Variants in DEPDC4 observed in about 807,000 individuals in gnomAD.
DEPDC4 encodes DEP domain containing 4, also known as DEP domain-containing protein 4.
A neutral mutation model predicts 52.0 loss-of-function variants in DEPDC4; 52 were observed. The ratio of observed to expected loss-of-function variants is 1.00; its 90% confidence interval spans 0.80 to 1.26. The LOEUF is 1.26. DEPDC4 is among the 50% of genes most tolerant of loss of function. The pLI is 0.00. For synonymous variants in DEPDC4, 201 were observed against 196.8 expected (o/e 1.02, Z -0.18); for missense variants, 530 against 546.9 (o/e 0.97, Z 0.31).
intron 9 of DEPDC4, among the ~76,000 whole-genome samples, chr12:100,233,639 G>A (rs139966457): frequency 1.2e-3 from 187 of 152,292 alleles, no homozygotes; most frequent in Admixed American, 3.6e-3. Flanking sequence ...GAATTATTAG[G>A]TAGCATCATT....
Position 100,263,503 on chromosome 12 carries a change from G to T in DEPDC4, c.548C>A (p.Thr183Asn). 2 of 1,580,340 alleles carry T rather than the reference G, an allele frequency of 1.3e-6. No homozygotes were observed. The highest frequency in any genetic ancestry group is 1.7e-6 in the Non-Finnish European group (2 of 1,166,046). ...QKDAENEFNE[T>N]LRPGYEMISN... ...TATCTTAGGTAACACTAACCTCAAGGTTTCATTGAACTCATTCTCAGCATC... is the reference window on the plus strand; with the variant it reads ...TATCTTAGGTAACACTAACCTCAAGTTTTCATTGAACTCATTCTCAGCATC... Residue 183 changes from threonine (T) to asparagine (N), a missense_variant, in exon 2 of 10, where the codon ACC becomes AAC. By Grantham distance (65) the Thr-to-Asn change is moderately conservative. Transcript: ENST00000550587.
intron 3 of DEPDC4, among the ~76,000 whole-genome samples, chr12:100,258,936 T>C (rs2096243921): frequency 6.6e-6 from 1 of 151,994 alleles, no homozygotes. Flanking sequence ...CTGTGTGTCA[T>C]GGTGTGTGCC....
chr12:100,247,516 T>C (rs929094633), intron 8 of DEPDC4, among the ~76,000 whole-genome samples: 5 of 152,154 alleles, frequency 3.3e-5, no homozygotes, highest in Non-Finnish European at 5.9e-5. Flanking sequence ...TAGCATATAT[T>C]GTTGAATAGA....
chr12:100,252,258 ACTGATTT>A lies in DEPDC4; in HGVS notation c.1285_1291del (p.Lys429PhefsTer8). On this transcript the variant is annotated frameshift_variant, in exon 7 of 10. Transcript: ENST00000550587. LOFTEE classifies it high-confidence loss of function. Reference sequence around the variant, plus strand: ...TTTTAATAATGATTTGGCTTGCAAAACTGATTTGGCAAGAGTTTTCAGGACCACTGTT... The same window carrying A: ...TTTTAATAATGATTTGGCTTGCAAAAGGCAAGAGTTTTCAGGACCACTGTT... 1 of 1,395,534 alleles carries A rather than the reference ACTGATTT, an allele frequency of 7.2e-7. No homozygotes were observed. The highest frequency in any genetic ancestry group is 9.3e-7 in the Non-Finnish European group (1 of 1,072,224). 86.4% of individuals were successfully genotyped at this position (1,395,534 alleles called of 1,614,324 possible).
the DEPDC4 span, among the ~76,000 whole-genome samples, chr12:100,279,783 G>C: frequency 6.6e-6 from 1 of 152,196 alleles, no homozygotes; most frequent in African/African-American, 2.4e-5. Flanking sequence ...GCAGCCTTGT[G>C]TGAACTTTGA....
chr12:100,259,538 A>G (rs1323399958), intron 3 of DEPDC4, among the ~76,000 whole-genome samples: 1 of 152,272 alleles, frequency 6.6e-6, no homozygotes, highest in Non-Finnish European at 1.5e-5. Flanking sequence ...GGTTTATTAC[A>G]TACCTCAACT....
chr12:100,244,127 A>ATATATT (rs2096174203), intron 8 of DEPDC4, among the ~76,000 whole-genome samples: 3 of 133,116 alleles, frequency 2.3e-5, no homozygotes, highest in Non-Finnish European at 4.7e-5. Context: ...ATATATATAT[A>ATATATT]TATATATACA....
chr12:100,238,403 G>A (rs1275600898), downstream of DEPDC4, among the ~76,000 whole-genome samples: 2 of 151,426 alleles, frequency 1.3e-5, no homozygotes, highest in African/African-American at 4.9e-5. Flanking sequence ...CAGGTCATCT[G>A]CCTGCCTTGG....
intron 1 of DEPDC4, among the ~76,000 whole-genome samples, 159 bp downstream of exon 1, chr12:100,266,761 C>A (rs1037884767): frequency 2.6e-5 from 4 of 152,240 alleles, no homozygotes; most frequent in African/African-American, 9.6e-5. Context: ...AAGCCTCAGT[C>A]CTGGGTCCCC....
intron 3 of DEPDC4, among the ~76,000 whole-genome samples, chr12:100,262,048 A>G (rs1238612647): frequency 3.9e-5 from 6 of 152,220 alleles, no homozygotes; most frequent in Admixed American, 3.9e-4. Flanking sequence ...GGTGAAAATG[A>G]TGTATCAATG....
chr12:100,279,511 G>A, the DEPDC4 span, among the ~76,000 whole-genome samples: 1 of 152,224 alleles, frequency 6.6e-6, no homozygotes, highest in East Asian at 1.9e-4. Flanking sequence ...TGAATATTGT[G>A]AATGTTACAT....
chr12:100,263,371 A>T, intron 2 of DEPDC4, 126 bp downstream of exon 2: 1 of 755,208 alleles, frequency 1.3e-6, no homozygotes, highest in Non-Finnish European at 2.1e-6. Flanking sequence ...TAAGTGGATT[A>T]ATTTTCACAT....
intron 8 of DEPDC4, among the ~76,000 whole-genome samples, chr12:100,245,078 G>C (rs2096179499): frequency 6.6e-6 from 1 of 150,788 alleles, no homozygotes; most frequent in African/African-American, 2.4e-5. Context: ...CACTATGTTG[G>C]CCAGGCTGGT....
At chr12:100,251,628 C>T (rs1021108891) in intron 7 of DEPDC4, among the ~76,000 whole-genome samples, 23 of 151,668 alleles carry the variant, frequency 1.5e-4, no homozygotes, top group Admixed American at 9.9e-4. Context: ...GGTGCAGTGG[C>T]GCAGTCTTGG....
chr12:100,267,166 G>T, upstream of DEPDC4: 2 of 1,433,176 alleles, frequency 1.4e-6, no homozygotes, highest in Non-Finnish European at 9.5e-7. Context: ...CCCCCGGCCG[G>T]CAGGTCTTTT....
the DEPDC4 span, among the ~76,000 whole-genome samples, chr12:100,278,918 G>A: frequency 2.6e-5 from 4 of 152,086 alleles, no homozygotes; most frequent in Admixed American, 6.6e-5. Context: ...GTGAGCCACC[G>A]CGCCTGGCCA....
At chr12:100,279,394 T>C in the DEPDC4 span, among the ~76,000 whole-genome samples, 81 of 152,364 alleles carry the variant, frequency 5.3e-4, no homozygotes, top group Non-Finnish European at 3.4e-4. Context: ...CGGTTCCTAA[T>C]AGGCCGTGGA....
chr12:100,266,279 C>T (rs2096272614), intron 1 of DEPDC4, among the ~76,000 whole-genome samples: 1 of 152,084 alleles, frequency 6.6e-6, no homozygotes, highest in Non-Finnish European at 1.5e-5. Flanking sequence ...ATCCACCACC[C>T]TCAAATTCCT....
At chr12:100,281,098 A>G in the DEPDC4 span, among the ~76,000 whole-genome samples, 2 of 126,146 alleles carry the variant, frequency 1.6e-5, no homozygotes, top group Non-Finnish European at 3.1e-5. Context: ...GTGCTTTCTC[A>G]GCTCACTGCA....
Sources: gnomAD v4.1 joint callset for allele counts (sites outside exome capture counted in the v4.1 genomes callset) on GRCh38, gnomAD v4.1.1 for gene constraint, MANE v1.5 for transcripts, NCBI Gene and HGNC (gene_info 2026-07-23, HGNC 2026-07-21) for gene names.